Variants in TMEM273 observed in about 807,000 individuals in gnomAD.
The protein encoded by TMEM273 is transmembrane protein 273, also known as chromosome 10 open reading frame 128.
TMEM273 carries 19 observed loss-of-function variants against 17.9 expected under a neutral mutation model. That is an observed-to-expected ratio of 1.06 (90% CI 0.74 to 1.55). The LOEUF (loss-of-function observed/expected upper bound fraction) is 1.55. Ranked by LOEUF, TMEM273 falls within the 40% of genes most tolerant of loss-of-function variation. The probability of loss-of-function intolerance (pLI) is 0.00; values close to 1 mark genes in which losing one functional copy is unlikely to be tolerated. For synonymous variants in TMEM273, 66 were observed against 62.0 expected (o/e 1.07, Z -0.31); for missense variants, 194 against 155.6 (o/e 1.25, Z -1.31).
intron 6 of TMEM273, among the ~76,000 whole-genome samples, chr10:49,158,228 G>A (rs535685867): frequency 4.0e-5 from 6 of 151,274 alleles, no homozygotes; most frequent in South Asian, 2.1e-4. Flanking sequence ...ACTTAACATC[G>A]TAAAGAAGTA....
chr10:49,175,947 A>G (rs1846931530), intron 1 of TMEM273, among the ~76,000 whole-genome samples: 1 of 152,002 alleles, frequency 6.6e-6, no homozygotes, highest in African/African-American at 2.4e-5. Context: ...GACTTGCCCC[A>G]CCTTTGAGCC....
In TMEM273 at chr10:49,155,717, T is replaced by G; in HGVS notation, c.*175A>C. The G allele has an allele frequency of 2.3e-6, 2 of 854,456 alleles. No individual in the cohort carries two copies. Among genetic ancestry groups the G allele is most frequent in the Non-Finnish European group, 3.6e-6 (2 of 551,708 alleles). 52.9% of individuals were successfully genotyped at this position (854,456 alleles called of 1,614,324 possible). A position where few individuals can be genotyped will look rare whatever the true frequency, so the allele number is the denominator to read the frequency against. ...TCCAGAAGAGGCATGATATTTTCCT[T>G]CAGGACAGAGGCACTGTATATTCTA... On this transcript the variant is annotated 3_prime_UTR_variant, in exon 7 of 7. Transcript: ENST00000374153.
intron 1 of TMEM273, among the ~76,000 whole-genome samples, chr10:49,176,333 A>G (rs1016333030): frequency 6.6e-6 from 1 of 152,212 alleles, no homozygotes; most frequent in Non-Finnish European, 1.5e-5. Flanking sequence ...CAAGGGCACA[A>G]GCCTCTGCTG....
intron 6 of TMEM273, among the ~76,000 whole-genome samples, chr10:49,157,141 A>T (rs1845560146): frequency 6.6e-6 from 1 of 152,242 alleles, no homozygotes; most frequent in Non-Finnish European, 1.5e-5. Flanking sequence ...ATCAATGCCC[A>T]GAGTAGATGG....
chr10:49,163,086 A>T (rs1248165967), intron 5 of TMEM273, among the ~76,000 whole-genome samples: 1 of 151,700 alleles, frequency 6.6e-6, no homozygotes, highest in African/African-American at 2.4e-5. Flanking sequence ...CAACCCCCCT[A>T]GGGCTAGAAG....
chr10:49,178,286 T>C (rs1270323400), intron 1 of TMEM273: 8 of 457,150 alleles, frequency 1.7e-5, no homozygotes, highest in Non-Finnish European at 3.5e-5. Context: ...GCACGCCACC[T>C]GTCCCATTCT....
chr10:49,161,751 T>C (rs1215575728), intron 5 of TMEM273, 129 bp from the exon 6 acceptor site: 63 of 1,057,214 alleles, frequency 6.0e-5, no homozygotes, highest in Non-Finnish European at 8.3e-5. Context: ...TCCTCATGAC[T>C]CAGCCTGACT....
intron 1 of TMEM273, among the ~76,000 whole-genome samples, chr10:49,182,985 A>T (rs926135995): frequency 6.6e-6 from 1 of 152,146 alleles, no homozygotes; most frequent in South Asian, 2.1e-4. Context: ...CTGTGGGGAA[A>T]AAAGGTGGGG....
intron 1 of TMEM273, among the ~76,000 whole-genome samples, chr10:49,169,728 A>G (rs571658275): frequency 1.5e-4 from 23 of 152,220 alleles, no homozygotes; most frequent in African/African-American, 5.3e-4. Context: ...TTTTAAGTCA[A>G]TCTTGCTGCT....
chr10:49,165,226 G>T lies in TMEM273; in HGVS notation c.327C>A (p.Cys109Ter), dbSNP rs2132135794. 1.3e-6 allele frequency: 2 copies of T among 1,550,472 alleles called. No individual in the cohort carries two copies. The highest frequency in any genetic ancestry group is 8.7e-7 in the Non-Finnish European group (1 of 1,146,976). The change falls in exon 5 of 7, where the codon TGC (cysteine) becomes TGA (stop). Residue 109 changes from cysteine (C) to a stop codon, truncating the protein, a stop_gained. Coordinates refer to ENST00000374153, the MANE Select transcript of TMEM273 (RefSeq NM_001288740.3). LOFTEE classifies it low-confidence loss of function (END_TRUNC). ...SFKSLLQCHH[C>*]IMEGLFKAKP... ...GTACCTTAAATAGGCCCTCCATGAT[G>T]CAGTGGTGACACTGAAGCAGGGATT...
chr10:49,162,311 A>C (rs139462614), intron 5 of TMEM273, among the ~76,000 whole-genome samples: 2 of 152,318 alleles, frequency 1.3e-5, no homozygotes, highest in East Asian at 3.9e-4. Context: ...ACACATATAC[A>C]CAGGCAATAA....
intron 1 of TMEM273, among the ~76,000 whole-genome samples, chr10:49,177,633 C>A (rs1467196029): frequency 6.6e-6 from 1 of 152,224 alleles, no homozygotes; most frequent in Non-Finnish European, 1.5e-5. Flanking sequence ...AGTCTCACAG[C>A]AGCATGGAGG....
At chr10:49,156,433 T>C (rs1355463631) in intron 6 of TMEM273, among the ~76,000 whole-genome samples, 2 of 152,172 alleles carry the variant, frequency 1.3e-5, no homozygotes, top group African/African-American at 4.8e-5. Context: ...GAAGAGAAGA[T>C]GAGTCAACAA....
chr10:49,185,857 A>T (rs2132304577), intron 1 of TMEM273, among the ~76,000 whole-genome samples: 1 of 151,950 alleles, frequency 6.6e-6, no homozygotes, highest in Non-Finnish European at 1.5e-5. Flanking sequence ...ATGTGCCTGT[A>T]ATCCCAGCTA....
chr10:49,158,477 CA>C (rs1845646410), intron 6 of TMEM273, among the ~76,000 whole-genome samples: 1 of 152,114 alleles, frequency 6.6e-6, no homozygotes, highest in Non-Finnish European at 1.5e-5. Context: ...TTCTAAAGTT[CA>C]TACGGAAAAA....
chr10:49,185,478 C>T (rs1386828716), intron 1 of TMEM273, among the ~76,000 whole-genome samples: 1 of 152,086 alleles, frequency 6.6e-6, no homozygotes, highest in East Asian at 1.9e-4. Context: ...CCCCCATCTG[C>T]CAGTAGATTG....
rs1218613744 is a variant in TMEM273 at position 49,184,818 on chromosome 10, C to A, written c.43+3476G>T. Among the ~76,000 whole-genome samples, 4 of 152,156 alleles carry A rather than the reference C, an allele frequency of 2.6e-5. No homozygotes were observed. The South Asian group carries it at 8.3e-4, about 32-fold the overall frequency. On this transcript the variant is annotated intron_variant, in intron 1 of 6. Coordinates refer to ENST00000374153, the MANE Select transcript of TMEM273 (RefSeq NM_001288740.3). ...GCGAGAGGGCTCATCGAAGCCTCAG[C>A]CATCAGGCTGCAAGTTAGAGACAAC...
chr10:49,186,311 C>A (rs374045971), intron 1 of TMEM273, among the ~76,000 whole-genome samples: 55 of 152,232 alleles, frequency 3.6e-4, no homozygotes, highest in African/African-American at 1.2e-3. Context: ...TACTGATAGT[C>A]TCTTGTTTCT....
chr10:49,181,796 A>T (rs1273294757), intron 1 of TMEM273, among the ~76,000 whole-genome samples: 1 of 151,924 alleles, frequency 6.6e-6, no homozygotes, highest in Admixed American at 6.6e-5. Context: ...AACTTCTGAG[A>T]CATGCTATCA....
Sources: allele counts gnomAD v4.1 joint callset (sites outside exome capture counted in the v4.1 genomes callset), GRCh38; gene constraint gnomAD v4.1.1; transcripts MANE v1.5; gene names NCBI Gene and HGNC (gene_info 2026-07-23, HGNC 2026-07-21).